SPATS2: variants seen among roughly 807,000 people sequenced by gnomAD.
SPATS2 encodes the protein spermatogenesis associated serine rich 2.
SPATS2 carries 38 observed loss-of-function variants against 63.7 expected under a neutral mutation model. The ratio of observed to expected loss-of-function variants is 0.60; its 90% CI spans 0.46 to 0.78. SPATS2 has a LOEUF of 0.78. Among genes scored for constraint, SPATS2 ranks in the 30% least tolerant of loss-of-function variants. The pLI is 0.00. For missense variants in SPATS2, 588 were observed against 666.2 expected, an observed-to-expected ratio of 0.88 and a Z score of 1.29; for synonymous variants, 207 against 232.9, an observed-to-expected ratio of 0.89 and a Z score of 1.01.
Position 49,513,237 on chromosome 12 carries a change from T to G in SPATS2, c.840-1318T>G, listed in dbSNP as rs112674800. Among the ~76,000 whole-genome samples, 342 of 135,230 alleles carry G rather than the reference T, an allele frequency of 2.5e-3. 1 individual carries two copies. Among genetic ancestry groups the G allele is most frequent in the African/African-American group, 8.8e-3 (304 of 34,528 alleles). 88.7% of individuals were successfully genotyped at this position (135,230 alleles called of 152,430 possible). On this transcript the variant is annotated intron_variant, in intron 9 of 13. Transcript: ENST00000552918. ...TGTGTGTGTGTGTGTGTGTGTGTGT[T>G]TGAGTGTGATTACAACCAGAAACAA... is the stretch of plus-strand genomic sequence containing the variant.
chr12:49,515,996 T>C (rs1411254806), intron 10 of SPATS2, among the ~76,000 whole-genome samples: 6 of 150,552 alleles, frequency 4.0e-5, no homozygotes, highest in Non-Finnish European at 7.4e-5. Flanking sequence ...AAAAATTAGC[T>C]GGGCATGGTG....
At chr12:49,386,462 G>C (rs1349596861) in intron 2 of SPATS2, among the ~76,000 whole-genome samples, 1 of 152,164 alleles carries the variant, frequency 6.6e-6, no homozygotes, top group East Asian at 1.9e-4. Flanking sequence ...TACTGTGCCC[G>C]GCCTCTGTGG....
At chr12:49,382,654 T>C (rs1461683948) in intron 2 of SPATS2, among the ~76,000 whole-genome samples, 1 of 152,206 alleles carries the variant, frequency 6.6e-6, no homozygotes, top group Non-Finnish European at 1.5e-5. Context: ...TGCCTTCAGA[T>C]TGTTCTGCTT....
chr12:49,484,793 T>C lies in SPATS2; in HGVS notation c.105+124T>C, dbSNP rs898503536. On this transcript the variant is annotated intron_variant, in intron 4 of 13. Coordinates refer to ENST00000552918, the MANE Select transcript of SPATS2 (RefSeq NM_023071.4). The stretch of plus-strand genomic sequence containing the variant: ...TTTTAAGAATAAAACAATGCCACTA[T>C]ATATCAGAGAGTGACGGCCATAAAT... 6.4e-6 allele frequency: 5 copies of C among 778,076 alleles called. No individual in the cohort carries two copies. The African/African-American group carries it at 7.0e-5, about 11-fold the overall frequency. The allele number at this position is 778,076 out of a possible 1,614,324, so 48.2% of individuals were successfully genotyped here.
At chr12:49,437,826 AGGGAGAGGGAGACCGTG>A (rs1203920940) in intron 2 of SPATS2, among the ~76,000 whole-genome samples, 2 of 152,092 alleles carry the variant, frequency 1.3e-5, no homozygotes, top group East Asian at 1.9e-4. Context: ...GTGGAAAAAG[AGGGAGAGGGAGACCGTG>A]GGGAGAGGGA....
chr12:49,510,582 ATTC>A (rs1298265661), intron 9 of SPATS2, among the ~76,000 whole-genome samples: 1 of 148,038 alleles, frequency 6.8e-6, no homozygotes, highest in Non-Finnish European at 1.5e-5. Context: ...AAAAAAAAAG[ATTC>A]TAAGTTTTGA....
At chr12:49,477,569 C>T (rs1409604115) in intron 3 of SPATS2, among the ~76,000 whole-genome samples, 1 of 152,176 alleles carries the variant, frequency 6.6e-6, no homozygotes, top group Non-Finnish European at 1.5e-5. Flanking sequence ...AGTCGGTATG[C>T]TTACAACCTC....
chr12:49,393,561 C>G (rs975052750), intron 2 of SPATS2, among the ~76,000 whole-genome samples: 2 of 152,018 alleles, frequency 1.3e-5, no homozygotes, highest in African/African-American at 4.8e-5. Context: ...GACTTAGTGC[C>G]CCACTAACCT....
At chr12:49,377,578 C>T (rs1944131106) in intron 2 of SPATS2, among the ~76,000 whole-genome samples, 2 of 152,024 alleles carry the variant, frequency 1.3e-5, no homozygotes, top group South Asian at 4.1e-4. Context: ...GTGAAATAGC[C>T]CCAAGTATAT....
At chr12:49,523,218 T>C (rs1403364646) in intron 12 of SPATS2, among the ~76,000 whole-genome samples, 1 of 152,166 alleles carries the variant, frequency 6.6e-6, no homozygotes, top group Non-Finnish European at 1.5e-5. Flanking sequence ...CTCACATCTA[T>C]AATCCCAACA....
At chr12:49,422,639 G>A (rs189550977) in intron 2 of SPATS2, among the ~76,000 whole-genome samples, 2 of 152,234 alleles carry the variant, frequency 1.3e-5, no homozygotes, top group African/African-American at 4.8e-5. Context: ...GGTGGCTCAC[G>A]CCTGTAATCC....
At chr12:49,513,932 G>A (rs906365915) in intron 9 of SPATS2, among the ~76,000 whole-genome samples, 20 of 152,194 alleles carry the variant, frequency 1.3e-4, no homozygotes, top group African/African-American at 4.8e-4. Context: ...CGAGGCGGGC[G>A]GATCACGAGG....
chr12:49,481,926 G>T lies in SPATS2; in HGVS notation c.26-2664G>T, dbSNP rs117160726. Among the ~76,000 whole-genome samples the T allele has an allele frequency of 4.3e-3, 656 of 152,176 alleles. 4 individuals carry two copies. The highest frequency in any genetic ancestry group is 7.0e-3 in the Non-Finnish European group (475 of 68,018). The stretch of plus-strand genomic sequence containing the variant: ...AATATTAATAAAAAGATGAAATCCT[G>T]CCTTATTTCTTACCAATAGAATTAG... On this transcript the variant is annotated intron_variant, in intron 3 of 13. Coordinates refer to ENST00000552918, the MANE Select transcript of SPATS2 (RefSeq NM_023071.4).
chr12:49,464,246 A>G (rs373877198), intron 3 of SPATS2, among the ~76,000 whole-genome samples: 5 of 152,094 alleles, frequency 3.3e-5, no homozygotes, highest in African/African-American at 1.2e-4. Context: ...GCTAAAGCCT[A>G]TAATCTCAGC....
intron 2 of SPATS2, among the ~76,000 whole-genome samples, chr12:49,396,512 T>A (rs904975145): frequency 6.6e-6 from 1 of 152,258 alleles, no homozygotes. Flanking sequence ...GCATAGTTTC[T>A]CCTTTGCTTC....
chr12:49,403,107 G>A (rs1480730851), intron 2 of SPATS2, among the ~76,000 whole-genome samples: 1 of 152,116 alleles, frequency 6.6e-6, no homozygotes, highest in African/African-American at 2.4e-5. Context: ...GGTGAGTAAC[G>A]TAAAGAGGGA....
At chr12:49,389,726 G>A in intron 2 of SPATS2, 1 of 1,547,686 alleles carries the variant, frequency 6.5e-7, no homozygotes, top group East Asian at 2.3e-5. Flanking sequence ...TGGGAATCCA[G>A]CAAGAAAACA....
intron 3 of SPATS2, among the ~76,000 whole-genome samples, chr12:49,470,392 T>C (rs976877362): frequency 6.6e-6 from 1 of 152,188 alleles, no homozygotes; most frequent in Non-Finnish European, 1.5e-5. Flanking sequence ...TTATTGATAG[T>C]GCTAGAAATG....
At chr12:49,516,719 A>AG (rs1031892668) in intron 10 of SPATS2, among the ~76,000 whole-genome samples, 2 of 152,020 alleles carry the variant, frequency 1.3e-5, no homozygotes, top group African/African-American at 2.4e-5. Flanking sequence ...CTAAAAAAAA[A>AG]AAAAGAAAAG....
Sources: allele counts gnomAD v4.1 joint callset (sites outside exome capture counted in the v4.1 genomes callset), GRCh38; gene constraint gnomAD v4.1.1; transcripts MANE v1.5; gene names NCBI Gene and HGNC (gene_info 2026-07-23, HGNC 2026-07-21).